The following GSE1 variants were observed in gnomAD, a reference collection of about 807,000 sequenced individuals.
GSE1 encodes the protein genetic suppressor element 1.
A neutral mutation model predicts 112.6 loss-of-function variants in GSE1; 32 were observed. The observed-to-expected ratio is 0.28, with a 90% CI of 0.21 to 0.38. The LOEUF (loss-of-function observed/expected upper bound fraction) is 0.38. Among genes scored for constraint, GSE1 ranks in the 10% least tolerant of loss-of-function variants. GSE1 has a pLI of 1.00. For missense variants in GSE1, 2,348 were observed against 1,699.2 expected (o/e 1.38, Z -6.71); for synonymous variants, 1,115 against 735.6 (o/e 1.52, Z -8.35).
intron 2 of GSE1, among the ~76,000 whole-genome samples, chr16:85,432,671 A>C (rs577995582): frequency 6.6e-6 from 1 of 152,368 alleles, no homozygotes; most frequent in South Asian, 2.1e-4. Flanking sequence ...CTAATGAAAA[A>C]ACAGGCATTC....
chr16:85,313,174 T>C (rs1402966470), intron 1 of GSE1, among the ~76,000 whole-genome samples: 1 of 151,986 alleles, frequency 6.6e-6, no homozygotes. Context: ...CCTGCTGGGG[T>C]CCCTTGTCCC....
intron 2 of GSE1, among the ~76,000 whole-genome samples, chr16:85,442,770 C>T (rs982169040): frequency 1.3e-5 from 2 of 152,214 alleles, no homozygotes; most frequent in African/African-American, 4.8e-5. Context: ...GCTGCAGTAA[C>T]ATATTACCAC....
chr16:85,548,227 C>CAAAAAAAAAAAAA (rs1241025677), intron 2 of GSE1, among the ~76,000 whole-genome samples: 1 of 70,120 alleles, frequency 1.4e-5, no homozygotes, highest in South Asian at 4.4e-4. Context: ...GACTCTTTCT[C>CAAAAAAAAAAAAA]AAAAAAAAAA....
At position 85,673,001 on chromosome 16, in the gene GSE1, G is replaced by T. The variant is rs1009926924; in HGVS notation, c.*462G>T. ...TCATTCCTCCCCAGGAGTGAAACTT[G>T]CTTCAGCTGAAAAGGTTGGGTGCAT... On this transcript the variant is annotated 3_prime_UTR_variant, in exon 16 of 16. Transcript: ENST00000253458. The T allele has an allele frequency of 6.6e-6, 1 of 152,412 alleles. No homozygotes were observed. Among genetic ancestry groups the T allele is most frequent in the Non-Finnish European group, 1.5e-5 (1 of 68,196 alleles). The allele number at this position is 152,412 out of a possible 1,614,324, so 9.4% of individuals were successfully genotyped here.
chr16:85,530,585 A>G (rs2044104983), intron 2 of GSE1, among the ~76,000 whole-genome samples: 1 of 152,170 alleles, frequency 6.6e-6, no homozygotes, highest in Non-Finnish European at 1.5e-5. Context: ...GCCTTGGGTG[A>G]CATGCCTGCG....
At chr16:85,299,658 TAG>T (rs200987473) in intron 1 of GSE1, among the ~76,000 whole-genome samples, 5 of 152,164 alleles carry the variant, frequency 3.3e-5, no homozygotes, top group Non-Finnish European at 7.3e-5. Context: ...CCAGGCAAGG[TAG>T]CTCACACCTA....
chr16:85,300,166 C>G (rs1428340338), intron 1 of GSE1, among the ~76,000 whole-genome samples: 2 of 152,052 alleles, frequency 1.3e-5, no homozygotes, highest in African/African-American at 4.8e-5. Context: ...CACCCGCCAC[C>G]ACACCTGGCT....
intron 1 of GSE1, among the ~76,000 whole-genome samples, chr16:85,314,264 T>C (rs2045937279): frequency 6.6e-6 from 1 of 152,152 alleles, no homozygotes; most frequent in African/African-American, 2.4e-5. Flanking sequence ...AGCCAGACCC[T>C]ACACACGTCT....
At chr16:85,251,240 C>A (rs1183927430) in intron 1 of GSE1, among the ~76,000 whole-genome samples, 1 of 152,240 alleles carries the variant, frequency 6.6e-6, no homozygotes, top group Admixed American at 6.5e-5. Context: ...CTCTCAGAGG[C>A]CTTGCCCTCA....
chr16:85,197,626 C>T (rs771197568), intron 1 of GSE1, among the ~76,000 whole-genome samples: 5 of 152,212 alleles, frequency 3.3e-5, no homozygotes, highest in African/African-American at 4.8e-5. Flanking sequence ...TCTCTGCAGA[C>T]TAAAGTCAAT....
chr16:85,525,516 C>T (rs2052338442), intron 2 of GSE1, among the ~76,000 whole-genome samples: 2 of 152,202 alleles, frequency 1.3e-5, no homozygotes, highest in Non-Finnish European at 2.9e-5. Context: ...CCCAGCCAGC[C>T]GGCAGGCTTT....
chr16:85,381,265 C>T (rs979525884), intron 2 of GSE1, among the ~76,000 whole-genome samples: 9 of 152,232 alleles, frequency 5.9e-5, no homozygotes, highest in Admixed American at 1.3e-4. Context: ...GGTTCATCCA[C>T]GTTGCGGCCC....
chr16:85,361,964 T>G (rs978099291), intron 2 of GSE1, among the ~76,000 whole-genome samples: 9 of 152,230 alleles, frequency 5.9e-5, no homozygotes, highest in Non-Finnish European at 1.5e-5. Flanking sequence ...AGGCTCCTGG[T>G]GGCTGGCCAG....
intron 1 of GSE1, among the ~76,000 whole-genome samples, chr16:85,339,643 G>A (rs1410286662): frequency 1.3e-5 from 2 of 148,850 alleles, no homozygotes; most frequent in Non-Finnish European, 3.0e-5. Flanking sequence ...GAGAGGCGGC[G>A]GGCGCAGGGT....
rs549257988 is a variant in GSE1, at chr16:85,629,600, C to G, written c.8-4314C>G. Among the ~76,000 whole-genome samples the G allele has an allele frequency of 6.0e-4, 91 of 152,350 alleles. 1 individual carries two copies. The highest frequency in any genetic ancestry group is 2.1e-3 in the African/African-American group (86 of 41,584). ...CCCTGCTCTGCACTGGACCTGGGCT[C>G]CAAGCCTGCCTTCGCCTATCTGGGA... On this transcript the variant is annotated intron_variant, in intron 1 of 15. Coordinates refer to ENST00000253458, the MANE Select transcript of GSE1 (RefSeq NM_014615.5).
chr16:85,321,893 C>T (rs936926714), intron 1 of GSE1, among the ~76,000 whole-genome samples: 3 of 152,138 alleles, frequency 2.0e-5, no homozygotes, highest in Admixed American at 6.5e-5. Context: ...ACTGAGGCTC[C>T]TAGAAGGACC....
At chr16:85,644,457 A>G (rs2050691764) in intron 2 of GSE1, among the ~76,000 whole-genome samples, 1 of 152,140 alleles carries the variant, frequency 6.6e-6, no homozygotes, top group South Asian at 2.1e-4. Flanking sequence ...GGGTGGACAG[A>G]GGCACACAGT....
At chr16:85,229,065 A>G (rs2075537363) in intron 1 of GSE1, among the ~76,000 whole-genome samples, 2 of 152,350 alleles carry the variant, frequency 1.3e-5, no homozygotes, top group East Asian at 1.9e-4. Context: ...CAAGGAGGAA[A>G]CACATCCGCT....
upstream of GSE1, among the ~76,000 whole-genome samples, chr16:85,608,017 A>T (rs1046025361): frequency 9.9e-5 from 15 of 152,164 alleles, no homozygotes; most frequent in Admixed American, 9.2e-4. Flanking sequence ...TTTCAGACCC[A>T]CTGCACTGTG....
Sources: gnomAD v4.1 joint callset for allele counts (sites outside exome capture counted in the v4.1 genomes callset) on GRCh38, gnomAD v4.1.1 for gene constraint, MANE v1.5 for transcripts, NCBI Gene and HGNC (gene_info 2026-07-23, HGNC 2026-07-21) for gene names.